Variants in ISL1 observed in about 807,000 individuals in gnomAD.
The protein encoded by ISL1 is insulin gene enhancer protein ISL-1.
ISL1 carries 4 observed loss-of-function variants against 35.3 expected under a neutral mutation model. That is an observed-to-expected ratio of 0.11 (90% confidence interval 0.06 to 0.26). The LOEUF (loss-of-function observed/expected upper bound fraction) is 0.26, where lower values mean the gene tolerates loss of function less well. Ranked by LOEUF, ISL1 falls within the 10% of genes least tolerant of loss-of-function variation. The pLI is 1.00. For missense variants in ISL1, 340 were observed against 472.8 expected (o/e 0.72, Z 2.60); for synonymous variants, 186 against 172.3 (o/e 1.08, Z -0.62).
chr5:51,384,404 A>T (rs1747291688), intron 1 of ISL1, 137 bp from the exon 2 acceptor site: 10 of 174,456 alleles, frequency 5.7e-5, no homozygotes, highest in Non-Finnish European at 8.4e-5. Flanking sequence ...GCAATGCTCT[A>T]AAAAAAAAAA....
At chr5:51,385,842 G>A (rs1306125024) in intron 2 of ISL1, among the ~76,000 whole-genome samples, 1 of 152,130 alleles carries the variant, frequency 6.6e-6, no homozygotes, top group African/African-American at 2.4e-5. Flanking sequence ...GGTTTCTGGA[G>A]CTTGAGAACT....
rs1247006683 is a variant in ISL1 at position 51,389,989 on chromosome 5, A to G, written c.765+57A>G. On this transcript the variant is annotated intron_variant, in intron 4 of 5. Coordinates refer to ENST00000230658, the MANE Select transcript of ISL1 (RefSeq NM_002202.3). The surrounding 1 kb of genome is among the most constrained non-coding windows in gnomAD (Gnocchi z 5.0). ...GAGGGGGAAGGAGACGCAGCGTGCG[A>G]GGTGCGTTCCTGGTACGCAGGATCG... is the stretch of plus-strand genomic sequence containing the variant. 5 of 1,581,532 alleles carry G rather than the reference A, an allele frequency of 3.2e-6. No individual in the cohort carries two copies. The African/African-American group carries it at 5.4e-5, about 17-fold the overall frequency.
rs1038776444 is a variant in ISL1, at chr5:51,394,311, C to A, written c.*701C>A. On this transcript the variant is annotated 3_prime_UTR_variant, in exon 6 of 6. Transcript: ENST00000230658. ...AAAACCAACTTATAAAGCATTGCAA[C>A]AAGGTTACCTCTATTTTGCCACAAG... The A allele has an allele frequency of 2.0e-5, 3 of 152,502 alleles. No homozygotes were observed. Among genetic ancestry groups the A allele is most frequent in the Non-Finnish European group, 2.9e-5 (2 of 68,066 alleles). 9.4% of individuals were successfully genotyped at this position (152,502 alleles called of 1,614,324 possible). A position where few individuals can be genotyped will look rare whatever the true frequency, so the allele number is the denominator to read the frequency against.
chr5:51,391,155 AT>A, intron 4 of ISL1, 118 bp from the exon 5 acceptor site: 1 of 937,614 alleles, frequency 1.1e-6, no homozygotes. Context: ...AACTGAGTCA[AT>A]AAAGACCACT....
In ISL1 at chr5:51,383,587, G is replaced by A; in HGVS notation, c.-85G>A. ...CCCAGGGGCCAATATTTCCCACTTAGCCACAGCTCCAGCATCCTCTCTGTG... is the reference window on the plus strand; with the variant it reads ...CCCAGGGGCCAATATTTCCCACTTAACCACAGCTCCAGCATCCTCTCTGTG... On this transcript the variant is annotated 5_prime_UTR_variant, in exon 1 of 6. Coordinates refer to ENST00000230658, the MANE Select transcript of ISL1 (RefSeq NM_002202.3). The A allele has an allele frequency of 8.5e-7, 1 of 1,172,174 alleles. No individual in the cohort carries two copies. 72.6% of individuals were successfully genotyped at this position (1,172,174 alleles called of 1,614,324 possible). A position where few individuals can be genotyped will look rare whatever the true frequency, so the allele number is the denominator to read the frequency against.
chr5:51,391,569 G>T, intron 5 of ISL1, 128 bp downstream of exon 5: 1 of 1,028,942 alleles, frequency 9.7e-7, no homozygotes, highest in Non-Finnish European at 1.5e-6. Flanking sequence ...AAACCAAGGA[G>T]GTGGGTAATG....
At chr5:51,388,636 T>C (rs1350436811) in intron 3 of ISL1, among the ~76,000 whole-genome samples, 3 of 151,728 alleles carry the variant, frequency 2.0e-5, no homozygotes, top group East Asian at 1.9e-4. Context: ...CTGCCATGAA[T>C]AGATCTACCC....
At chr5:51,383,930 T>C (rs1747275287) in intron 1 of ISL1, among the ~76,000 whole-genome samples, 1 of 152,142 alleles carries the variant, frequency 6.6e-6, no homozygotes, top group Non-Finnish European at 1.5e-5. Context: ...CCTCCAAAGC[T>C]CTAGCTTTCT....
rs938882947 is a variant in ISL1 at position 51,389,391 on chromosome 5, T to A, written c.479-255T>A. On this transcript the variant is annotated intron_variant, in intron 3 of 5. Coordinates refer to ENST00000230658, the MANE Select transcript of ISL1 (RefSeq NM_002202.3). The surrounding 1 kb of genome is among the most constrained non-coding windows in gnomAD (Gnocchi z 5.0). ...GCGAGTGCTGCGTTTCAGGCCGGGATTACTCAGCAAAGACCTCTGCAGATT... is the reference window on the plus strand; with the variant it reads ...GCGAGTGCTGCGTTTCAGGCCGGGAATACTCAGCAAAGACCTCTGCAGATT... 3.9e-5 allele frequency among the ~76,000 whole-genome samples: 6 copies of A among 152,142 alleles called. No individual in the cohort carries two copies. The highest frequency in any genetic ancestry group is 8.8e-5 in the Non-Finnish European group (6 of 68,030).
rs746623947 is a variant in ISL1, at chr5:51,393,486, C to T, written c.934-8C>T. The T allele has an allele frequency of 4.6e-6, 7 of 1,520,438 alleles. No homozygotes were observed. The African/African-American group carries it at 8.2e-5, about 18-fold the overall frequency. 94.2% of individuals were successfully genotyped at this position (1,520,438 alleles called of 1,614,324 possible). A position where few individuals can be genotyped will look rare whatever the true frequency, so the allele number is the denominator to read the frequency against. On this transcript the variant is annotated splice_region_variant and splice_polypyrimidine_tract_variant and intron_variant, in intron 5 of 5. Coordinates refer to ENST00000230658, the MANE Select transcript of ISL1 (RefSeq NM_002202.3). ...TGTCCTTTATTTATTTCTCAACCTT[C>T]TATGCAGGTCAATTTTTCAGAAGGA...
rs1318732657 is a variant in ISL1 at position 51,384,532 on chromosome 5, T to C, written c.29-9T>C. 1.9e-6 allele frequency: 3 copies of C among 1,613,562 alleles called. No individual in the cohort carries two copies. The highest frequency in any genetic ancestry group is 1.7e-5 in the Admixed American group (1 of 60,006). On this transcript the variant is annotated splice_polypyrimidine_tract_variant and intron_variant, in intron 1 of 5. Transcript: ENST00000230658. ...CGGTTAGTCAATCATGTATTTATTT[T>C]CATTTCAGAAAAACGTCTGATTTCC...
rs57707586 is a variant in ISL1, at chr5:51,390,642, CTTTTTTTTTTTTTTTTTT to C, written c.766-611_766-594del. ...TCCTTTTTTTCTTTTCTTTCTTTTTCTTTTTTTTTTTTTTTTTTTTTTTTTTTTTTTTTTTTTTACTGC... is the reference window on the plus strand; with the variant it reads ...TCCTTTTTTTCTTTTCTTTCTTTTTCTTTTTTTTTTTTTTTTTTTTACTGC... On this transcript the variant is annotated intron_variant, in intron 4 of 5. Transcript: ENST00000230658. 6.9e-3 allele frequency among the ~76,000 whole-genome samples: 279 copies of C among 40,246 alleles called. 2 individuals carry two copies. The highest frequency in any genetic ancestry group is 0.015 in the Admixed American group (51 of 3,380). The allele number at this position is 40,246 out of a possible 152,430, so 26.4% of individuals were successfully genotyped here. A position where few individuals can be genotyped will look rare whatever the true frequency, so the allele number is the denominator to read the frequency against.
chr5:51,389,903 C>T lies in ISL1; in HGVS notation c.736C>T (p.Leu246Phe), dbSNP rs762465722. The T allele has an allele frequency of 2.5e-6, 4 of 1,614,088 alleles. No individual in the cohort carries two copies. In the South Asian group the frequency reaches 3.3e-5, roughly 13 times the overall value. ...GAAGCGAAGCATCATGATGAAGCAA[C>T]TCCAGCAGCAGCAGCCCAATGACAA... ...DKKRSIMMKQ[L>F]QQQQPNDKTN... The change falls in exon 4 of 6, where the codon CTC (leucine) becomes TTC (phenylalanine). Residue 246 changes from leucine (L) to phenylalanine (F), a missense_variant. By Grantham distance (22) the Leu-to-Phe change is conservative. This residue lies in a region of ISL1 where 25 missense variants were observed against 43.2 expected (regional missense o/e 0.58). Coordinates refer to ENST00000230658, the MANE Select transcript of ISL1 (RefSeq NM_002202.3). This position sits in a 1 kb window ranked among gnomAD's most constrained non-coding sequence, Gnocchi z 5.0.
At chr5:51,391,599 C>A (rs1747516744) in intron 5 of ISL1, 158 bp downstream of exon 5, 1 of 758,622 alleles carries the variant, frequency 1.3e-6, no homozygotes, top group Non-Finnish European at 2.2e-6. Flanking sequence ...GAGACAAATG[C>A]AGGGAAAACG....
intron 4 of ISL1, among the ~76,000 whole-genome samples, chr5:51,390,642 C>CTTT (rs57707586): frequency 7.5e-4 from 30 of 40,176 alleles, no homozygotes; most frequent in Admixed American, 1.2e-3. Flanking sequence ...CTTTCTTTTT[C>CTTT]TTTTTTTTTT....
intron 5 of ISL1, among the ~76,000 whole-genome samples, chr5:51,392,258 A>T (rs1429267020): frequency 1.3e-5 from 2 of 152,240 alleles, no homozygotes; most frequent in African/African-American, 4.8e-5. Context: ...CAAGATAAAT[A>T]AGAACAATAA....
intron 3 of ISL1, among the ~76,000 whole-genome samples, chr5:51,388,386 G>A (rs538648394): frequency 1.7e-4 from 26 of 152,328 alleles, no homozygotes. Context: ...AAGGGAGCCT[G>A]CTTCTTTAAA....
In ISL1 at chr5:51,389,556, GGCAA is replaced by G. The variant is rs938851751; in HGVS notation, c.479-87_479-84del. 14 of 1,133,376 alleles carry G rather than the reference GGCAA, an allele frequency of 1.2e-5. No homozygotes were observed. The highest frequency in any genetic ancestry group is 8.5e-5 in the South Asian group (4 of 46,920). 70.2% of individuals were successfully genotyped at this position (1,133,376 alleles called of 1,614,324 possible). ...GAGCAAGTAAGCGGGCGGGCGGGCG[GGCAA>G]GCGAGCGAGCGAGCGAGCGCGCGAC... On this transcript the variant is annotated intron_variant, in intron 3 of 5. Transcript: ENST00000230658. This position sits in a 1 kb window ranked among gnomAD's most constrained non-coding sequence, Gnocchi z 5.0.
At position 51,383,606 on chromosome 5, in the gene ISL1, C is replaced by T. The variant is rs1201722172; in HGVS notation, c.-66C>T. Reference sequence around the variant, plus strand: ...CACTTAGCCACAGCTCCAGCATCCTCTCTGTGGGCTGTTCACCAACTGTAC... The same window carrying T: ...CACTTAGCCACAGCTCCAGCATCCTTTCTGTGGGCTGTTCACCAACTGTAC... On this transcript the variant is annotated 5_prime_UTR_variant, in exon 1 of 6. Coordinates refer to ENST00000230658, the MANE Select transcript of ISL1 (RefSeq NM_002202.3). 7.6e-7 allele frequency: 1 copy of T among 1,318,490 alleles called. No individual in the cohort carries two copies. The highest frequency in any genetic ancestry group is 1.1e-6 in the Non-Finnish European group (1 of 909,966). 81.7% of individuals were successfully genotyped at this position (1,318,490 alleles called of 1,614,324 possible). A position where few individuals can be genotyped will look rare whatever the true frequency, so the allele number is the denominator to read the frequency against.
Sources: allele counts gnomAD v4.1 joint callset (sites outside exome capture counted in the v4.1 genomes callset), GRCh38; gene constraint gnomAD v4.1.1; regional missense constraint gnomAD v4.1.1; non-coding constraint Gnocchi (gnomAD v3.1); transcripts MANE v1.5; gene names NCBI Gene and HGNC (gene_info 2026-07-23, HGNC 2026-07-21).